The following GPSM1 variants were observed in gnomAD, a reference collection of about 807,000 sequenced individuals.
GPSM1 encodes the protein G protein-signaling modulator 1.
GPSM1 carries 48 observed loss-of-function variants against 70.5 expected under a neutral mutation model. That is an observed-to-expected ratio of 0.68 (90% CI 0.54 to 0.87). The LOEUF is 0.87. Among genes scored for constraint, GPSM1 ranks in the 40% least tolerant of loss-of-function variants. The pLI is 0.00. For synonymous variants in GPSM1, 416 were observed against 430.1 expected, an observed-to-expected ratio of 0.97 and a Z score of 0.41; for missense variants, 981 against 972.6, an observed-to-expected ratio of 1.01 and a Z score of -0.11.
Position 136,334,655 on chromosome 9 carries a change from C to G in GPSM1, c.277C>G (p.Leu93Val). 2 of 1,611,158 alleles carry G rather than the reference C, an allele frequency of 1.2e-6. No individual in the cohort carries two copies. The highest frequency in any genetic ancestry group is 1.7e-6 in the Non-Finnish European group (2 of 1,179,526). The change falls in exon 2 of 14, where the codon CTC becomes GTC. Residue 93 changes from leucine (L) to valine (V), a missense_variant. By Grantham distance (32) the Leu-to-Val change is conservative. Transcript: ENST00000440944. ...GGCGCTGGAATACCACAAGCATGAC[C>G]TCCTGCTGGCGCGGTGAGTGGGGAC... ...GRALEYHKHD[L>V]LLARTIGDRM...
chr9:136,343,052 G>T lies in GPSM1; in HGVS notation c.1207+2059G>T, dbSNP rs1169861099. 6.6e-6 allele frequency among the ~76,000 whole-genome samples: 1 copy of T among 152,126 alleles called. No homozygotes were observed. Among genetic ancestry groups the T allele is most frequent in the Non-Finnish European group, 1.5e-5 (1 of 68,006 alleles). On this transcript the variant is annotated intron_variant, in intron 9 of 13. Transcript: ENST00000440944. This position sits in a 1 kb window ranked among gnomAD's most constrained non-coding sequence, Gnocchi z 6.0. ...AGAGCCTTGGCGCGGCTCAGTCAGC[G>T]TATTAATCTCACCGCCCTCTGCTGG...
In GPSM1 at chr9:136,339,966, T is replaced by C. The variant is rs1265628715; in HGVS notation, c.1083+151T>C. 3 of 581,006 alleles carry C rather than the reference T, an allele frequency of 5.2e-6. No homozygotes were observed. In the Admixed American group the frequency reaches 8.5e-5, roughly 16 times the overall value. 36.0% of individuals were successfully genotyped at this position (581,006 alleles called of 1,614,324 possible). ...GCTGCCTGGTCCTTCCGAGGCCTGG[T>C]GATGACATGTCTACCATGCCCGGGG... On this transcript the variant is annotated intron_variant, in intron 8 of 13. Transcript: ENST00000440944.
chr9:136,354,948 G>T (rs1477790878), intron 11 of GPSM1: 1 of 1,037,450 alleles, frequency 9.6e-7, no homozygotes. Context: ...CCCAGGGCAG[G>T]TGACGGACAG....
At position 136,341,790 on chromosome 9, in the gene GPSM1, A is replaced by T. The variant is rs1832399015; in HGVS notation, c.1207+797A>T. 1.0e-6 allele frequency: 1 copy of T among 983,796 alleles called. No homozygotes were observed. Among genetic ancestry groups the T allele is most frequent in the African/African-American group, 1.8e-5 (1 of 56,954 alleles). 60.9% of individuals were successfully genotyped at this position (983,796 alleles called of 1,614,324 possible). A position where few individuals can be genotyped will look rare whatever the true frequency, so the allele number is the denominator to read the frequency against. ...CTTGGATGTGGTGCTGGGCTGCCGG[A>T]GTTTCTTTTTCTTATCTTATTTTTA... On this transcript the variant is annotated intron_variant, in intron 9 of 13. Coordinates refer to ENST00000440944, the MANE Select transcript of GPSM1 (RefSeq NM_001145638.3). This position sits in a 1 kb window ranked among gnomAD's most constrained non-coding sequence, Gnocchi z 6.7.
rs1832258025 is a variant in GPSM1, at chr9:136,337,052, C to G, written c.558C>G (p.Cys186Trp). 6.4e-7 allele frequency: 1 copy of G among 1,551,736 alleles called. No homozygotes were observed. Among genetic ancestry groups the G allele is most frequent in the Non-Finnish European group, 8.7e-7 (1 of 1,147,704 alleles). ...CGCCCGATGTCCGAGAGACCCTGTG[C>G]AAGGCCTCCGAGTTCTACGAGTGAG... ...HLPPDVRETL[C>W]KASEFYERNL... Residue 186 changes from cysteine (C) to tryptophan (W), a missense_variant, in exon 4 of 14, where the codon TGC becomes TGG. Cys to Trp is a radical substitution (Grantham distance 215, BLOSUM62 -2). Coordinates refer to ENST00000440944, the MANE Select transcript of GPSM1 (RefSeq NM_001145638.3).
At position 136,327,825 on chromosome 9, in the gene GPSM1, C is replaced by T. The variant is rs1329001025; in HGVS notation, c.68+62C>T. On this transcript the variant is annotated intron_variant, in intron 1 of 13. Coordinates refer to ENST00000440944, the MANE Select transcript of GPSM1 (RefSeq NM_001145638.3). ...GGGACCGGACCGGGCCGGGTCGGGACGCGGGGGAGGCTGCAGTTGGGAACA... is the reference window on the plus strand; with the variant it reads ...GGGACCGGACCGGGCCGGGTCGGGATGCGGGGGAGGCTGCAGTTGGGAACA... 9 of 625,092 alleles carry T rather than the reference C, an allele frequency of 1.4e-5. No individual in the cohort carries two copies. In the Admixed American group the frequency reaches 3.9e-4, roughly 27 times the overall value. The allele number at this position is 625,092 out of a possible 1,614,324, so 38.7% of individuals were successfully genotyped here. A position where few individuals can be genotyped will look rare whatever the true frequency, so the allele number is the denominator to read the frequency against.
Position 136,337,552 on chromosome 9 carries a change from C to G in GPSM1, c.690C>G (p.Thr230=). Reference sequence around the variant, plus strand: ...TGGGGAACTTCACAGAGGCCACGACCTTCCACAAGGAGGTGAGCCGGGCAG... The same window carrying G: ...TGGGGAACTTCACAGAGGCCACGACGTTCCACAAGGAGGTGAGCCGGGCAG... ...YLLGNFTEAT[T]FHKERLAIAK... Residue 230 remains threonine (T), a synonymous_variant, in exon 5 of 14, where the codon ACC becomes ACG. Transcript: ENST00000440944. The G allele has an allele frequency of 6.4e-7, 1 of 1,557,212 alleles. No homozygotes were observed. The highest frequency in any genetic ancestry group is 8.7e-7 in the Non-Finnish European group (1 of 1,150,492).
chr9:136,349,676 G>A lies in GPSM1; in HGVS notation c.1368G>A (p.Gln456=). The A allele has an allele frequency of 6.4e-7, 1 of 1,555,300 alleles. No individual in the cohort carries two copies. The highest frequency in any genetic ancestry group is 8.7e-7 in the Non-Finnish European group (1 of 1,149,418). The change falls in exon 11 of 14, where the codon CAG becomes CAA. Residue 456 remains glutamine, a synonymous_variant. Coordinates refer to ENST00000440944, the MANE Select transcript of GPSM1 (RefSeq NM_001145638.3). The part of the protein sequence containing the change: ...LPLPVRSRKY[Q]EGPDAERRPR... ...TCCCCGTGAGGAGCAGGAAGTACCAGGAAGGCCCGGACGCTGAGAGGAGGC... is the reference window on the plus strand; with the variant it reads ...TCCCCGTGAGGAGCAGGAAGTACCAAGAAGGCCCGGACGCTGAGAGGAGGC...
In GPSM1 at chr9:136,336,076, G is replaced by A. The variant is rs781797952; in HGVS notation, c.401G>A (p.Ser134Asn). 5 of 1,611,926 alleles carry A rather than the reference G, an allele frequency of 3.1e-6. No homozygotes were observed. The highest frequency in any genetic ancestry group is 3.4e-6 in the Non-Finnish European group (4 of 1,179,890). The change falls in exon 3 of 14, where the codon AGC becomes AAC. Residue 134 changes from serine (S) to asparagine (N), a missense_variant. Ser to Asn is a conservative substitution (Grantham distance 46, BLOSUM62 1). Transcript: ENST00000440944. ...EAAVCCQRHL[S>N]IAQEQGDKVG... ...GCCGTCTGCTGCCAGCGGCATCTGA[G>A]CATCGCCCAAGAGCAGGGAGACAAG...
chr9:136,327,633 G>T lies in GPSM1; in HGVS notation c.-63G>T. ...GACAGCAGGGAGGACAGCAGGGCGG[G>T]CAGGGGGCGGACGGCCACGGCGCGG... is the stretch of plus-strand genomic sequence containing the variant. On this transcript the variant is annotated 5_prime_UTR_variant, in exon 1 of 14. Coordinates refer to ENST00000440944, the MANE Select transcript of GPSM1 (RefSeq NM_001145638.3). 2.6e-6 allele frequency: 1 copy of T among 380,826 alleles called. No individual in the cohort carries two copies. The highest frequency in any genetic ancestry group is 3.8e-6 in the Non-Finnish European group (1 of 264,860). 23.6% of individuals were successfully genotyped at this position (380,826 alleles called of 1,614,324 possible).
chr9:136,351,447 C>T (rs1208134858), intron 11 of GPSM1, among the ~76,000 whole-genome samples: 1 of 152,198 alleles, frequency 6.6e-6, no homozygotes, highest in Non-Finnish European at 1.5e-5. Context: ...CTCTGCCCAT[C>T]ACATCTGGGC....
chr9:136,357,950 C>T, intron 13 of GPSM1, 64 bp from the exon 14 acceptor site: 3 of 1,346,050 alleles, frequency 2.2e-6, no homozygotes, highest in Non-Finnish European at 2.1e-6. Context: ...ACCACCGCTG[C>T]TGACCAGCCC....
rs201787065 is a variant in GPSM1 at position 136,348,715 on chromosome 9, C to T, written c.1226C>T (p.Thr409Met). Residue 409 changes from threonine (T) to methionine (M), a missense_variant, in exon 10 of 14, where the codon ACG becomes ATG. Physicochemically the swap from Thr to Met is moderately conservative, Grantham distance 81 (BLOSUM62 -1). Transcript: ENST00000440944. ...YEAQGARPKR[T>M]QRLSAETWDL... is the part of the protein sequence containing the mutation. ...TCTTCAGGGGCCAGACCCAAGAGGA[C>T]GCAGAGGCTGAGCGCGGAGACCTGG... 2.8e-5 allele frequency: 45 copies of T among 1,612,010 alleles called. No individual in the cohort carries two copies. In the East Asian group the frequency reaches 5.1e-4, roughly 18 times the overall value.
At chr9:136,354,705 A>C (rs1388996083) in intron 11 of GPSM1, 5 of 527,232 alleles carry the variant, frequency 9.5e-6, no homozygotes, top group African/African-American at 2.1e-5. Context: ...GGGGGGCCAC[A>C]GGAGACCACG....
At chr9:136,338,953 C>T (rs560448589) in intron 7 of GPSM1, among the ~76,000 whole-genome samples, 50 of 152,304 alleles carry the variant, frequency 3.3e-4, no homozygotes, top group African/African-American at 1.2e-3. Flanking sequence ...GTTGCCCCCA[C>T]CACCCATGTA....
rs1564357830 is a variant in GPSM1, at chr9:136,355,514, CGGGTGCCGAGGGTGGGT to C, written c.1456-174_1456-158del. The C allele has an allele frequency of 3.7e-3, 1,697 of 459,986 alleles. 26 individuals are homozygous for C. Among genetic ancestry groups the C allele is most frequent in the Non-Finnish European group, 5.2e-3 (1,373 of 265,150 alleles). The allele number at this position is 459,986 out of a possible 1,614,324, so 28.5% of individuals were successfully genotyped here. A position where few individuals can be genotyped will look rare whatever the true frequency, so the allele number is the denominator to read the frequency against. The stretch of plus-strand genomic sequence containing the variant: ...TGACACGTCCTGGGGGAGGGGTAGC[CGGGTGCCGAGGGTGGGT>C]GACACGTTCTGGGGGAGGGGTAGCC... On this transcript the variant is annotated intron_variant, in intron 11 of 13. Coordinates refer to ENST00000440944, the MANE Select transcript of GPSM1 (RefSeq NM_001145638.3).
chr9:136,347,998 G>C (rs1832564268), intron 9 of GPSM1, among the ~76,000 whole-genome samples: 1 of 152,228 alleles, frequency 6.6e-6, no homozygotes, highest in Non-Finnish European at 1.5e-5. Context: ...AGGGGCCCGG[G>C]ACAGGCACTG....
intron 13 of GPSM1, among the ~76,000 whole-genome samples, 183 bp from the exon 14 acceptor site, chr9:136,357,831 G>C (rs1382991208): frequency 6.6e-6 from 1 of 152,318 alleles, no homozygotes. Context: ...AGAAGACTGC[G>C]CTCAGGGCCC....
At chr9:136,337,658 T>TA in intron 5 of GPSM1, 94 bp downstream of exon 5, 2 of 1,287,318 alleles carry the variant, frequency 1.6e-6, no homozygotes, top group East Asian at 5.1e-5. Context: ...GGCAGGGTGG[T>TA]ATGGCCAGGC....
Sources: gnomAD v4.1 joint callset for allele counts (sites outside exome capture counted in the v4.1 genomes callset) on GRCh38, gnomAD v4.1.1 for gene constraint, Gnocchi (gnomAD v3.1) non-coding constraint, MANE v1.5 for transcripts, NCBI Gene and HGNC (gene_info 2026-07-23, HGNC 2026-07-21) for gene names.